Variants in MGLL observed in about 807,000 individuals in gnomAD.
MGLL encodes the protein monoglyceride lipase.
In MGLL, 7 loss-of-function variants were observed where a neutral mutation model predicts 29.1. The ratio of observed to expected loss-of-function variants is 0.24; its 90% CI spans 0.14 to 0.45. MGLL has a LOEUF of 0.45. Among genes scored for constraint, MGLL ranks in the 20% least tolerant of loss-of-function variants. MGLL has a pLI of 0.99. For synonymous variants in MGLL, 148 were observed against 168.3 expected, an observed-to-expected ratio of 0.88 and a Z score of 0.93; for missense variants, 356 against 413.6, an observed-to-expected ratio of 0.86 and a Z score of 1.21.
intron 2 of MGLL, among the ~76,000 whole-genome samples, chr3:127,819,718 T>C (rs1237732930): frequency 6.6e-6 from 1 of 152,074 alleles, no homozygotes; most frequent in African/African-American, 2.4e-5. Context: ...TAATACTTAT[T>C]ATAATGATGC....
chr3:127,736,987 G>A (rs1485271150), intron 3 of MGLL, among the ~76,000 whole-genome samples: 5 of 152,078 alleles, frequency 3.3e-5, no homozygotes, highest in East Asian at 3.9e-4. Flanking sequence ...GAGCCACTGC[G>A]CCCGGCCCTC....
At chr3:127,694,319 A>ATATATATATGTGTATATATATGTATGTG (rs1364140917) in intron 7 of MGLL, among the ~76,000 whole-genome samples, 5 of 99,858 alleles carry the variant, frequency 5.0e-5, no homozygotes, top group Non-Finnish European at 6.8e-5. Flanking sequence ...GTATGTGTGT[A>ATATATATATGTGTATATATATGTATGTG]TATATATATG....
At chr3:127,816,621 C>G (rs538093081) in intron 2 of MGLL, among the ~76,000 whole-genome samples, 2 of 152,318 alleles carry the variant, frequency 1.3e-5, no homozygotes, top group South Asian at 4.1e-4. Flanking sequence ...TCTACCCAGG[C>G]CTCAGGGCAT....
intron 3 of MGLL, among the ~76,000 whole-genome samples, chr3:127,736,897 G>T (rs577805975): frequency 6.6e-6 from 1 of 152,136 alleles, no homozygotes; most frequent in Non-Finnish European, 1.5e-5. Flanking sequence ...GTTTCACCTT[G>T]TTGGCCAGGC....
intron 2 of MGLL, among the ~76,000 whole-genome samples, chr3:127,798,499 C>G (rs2077423402): frequency 6.6e-6 from 1 of 152,184 alleles, no homozygotes; most frequent in African/African-American, 2.4e-5. Flanking sequence ...GGTTCCAGGA[C>G]TTCCTCCTTG....
chr3:127,792,375 A>C (rs1340269058), intron 2 of MGLL, among the ~76,000 whole-genome samples: 1 of 152,230 alleles, frequency 6.6e-6, no homozygotes, highest in Non-Finnish European at 1.5e-5. Flanking sequence ...AGTCACTCAC[A>C]GCCTCAAGTG....
chr3:127,794,367 C>T (rs961356225), intron 2 of MGLL, among the ~76,000 whole-genome samples: 2 of 152,094 alleles, frequency 1.3e-5, no homozygotes, highest in African/African-American at 4.8e-5. Flanking sequence ...AAAAAAAAAA[C>T]TGTCTTCTAT....
intron 3 of MGLL, among the ~76,000 whole-genome samples, chr3:127,737,891 C>T (rs1213877627): frequency 6.6e-6 from 1 of 152,000 alleles, no homozygotes; most frequent in Non-Finnish European, 1.5e-5. Context: ...TGATCCCCTG[C>T]CCTAGTCTGG....
rs1205725910 is a variant in MGLL, at chr3:127,689,578, C to G, written c.*2620G>C. 6.6e-6 allele frequency: 1 copy of G among 152,642 alleles called. No individual in the cohort carries two copies. Among genetic ancestry groups the G allele is most frequent in the East Asian group, 1.9e-4 (1 of 5,214 alleles). The allele number at this position is 152,642 out of a possible 1,614,324, so 9.5% of individuals were successfully genotyped here. On this transcript the variant is annotated 3_prime_UTR_variant, in exon 8 of 8. Transcript: ENST00000265052. ...TGTGTGCCAGGCCTCTCTGGGTCCC[C>G]TCCCTGGCCTTTGCCTTCCTCTCAC...
At chr3:127,798,169 A>G (rs911480588) in intron 2 of MGLL, among the ~76,000 whole-genome samples, 1 of 152,252 alleles carries the variant, frequency 6.6e-6, no homozygotes, top group Non-Finnish European at 1.5e-5. Flanking sequence ...AGCACAGTGC[A>G]TACCTTTCTC....
At chr3:127,760,022 T>C (rs1018425631) in intron 3 of MGLL, among the ~76,000 whole-genome samples, 3 of 152,194 alleles carry the variant, frequency 2.0e-5, no homozygotes, top group African/African-American at 7.2e-5. Context: ...TTAGACGGCT[T>C]GGTTTTCTGC....
At chr3:127,815,523 T>G (rs1293735639) in intron 2 of MGLL, among the ~76,000 whole-genome samples, 1 of 152,248 alleles carries the variant, frequency 6.6e-6, no homozygotes, top group East Asian at 1.9e-4. Context: ...CTTCTTTGCC[T>G]TGCGCCTATA....
chr3:127,741,267 C>T (rs1002967820), intron 3 of MGLL, among the ~76,000 whole-genome samples: 1 of 152,236 alleles, frequency 6.6e-6, no homozygotes, highest in African/African-American at 2.4e-5. Flanking sequence ...AAACATACAA[C>T]ATGGTGTGTG....
At chr3:127,737,899 T>A (rs761882800) in intron 3 of MGLL, among the ~76,000 whole-genome samples, 1 of 152,098 alleles carries the variant, frequency 6.6e-6, no homozygotes, top group Non-Finnish European at 1.5e-5. Context: ...TGCCCTAGTC[T>A]GGATTATAGG....
At chr3:127,782,469 T>C (rs1207659851) in intron 2 of MGLL, among the ~76,000 whole-genome samples, 1 of 152,026 alleles carries the variant, frequency 6.6e-6, no homozygotes, top group Non-Finnish European at 1.5e-5. Context: ...GCCTGTAACA[T>C]GGTAAGAAGA....
chr3:127,723,354 GGGCTGCCCA>G (rs1239646555), intron 3 of MGLL, among the ~76,000 whole-genome samples: 1 of 152,230 alleles, frequency 6.6e-6, no homozygotes, highest in Non-Finnish European at 1.5e-5. Flanking sequence ...ACAGCCAGAG[GGGCTGCCCA>G]GACCTTCCCT....
intron 5 of MGLL, among the ~76,000 whole-genome samples, chr3:127,718,022 GC>G (rs1033513137): frequency 5.3e-5 from 8 of 152,122 alleles, no homozygotes; most frequent in Admixed American, 3.3e-4. Flanking sequence ...AATGTTTGGG[GC>G]CCCCCCATCC....
At chr3:127,792,101 C>T (rs2077309899) in intron 2 of MGLL, among the ~76,000 whole-genome samples, 1 of 152,142 alleles carries the variant, frequency 6.6e-6, no homozygotes, top group Admixed American at 6.6e-5. Flanking sequence ...AGCATCCCGG[C>T]CCCCAGAGGC....
chr3:127,767,930 G>C (rs2076886504), intron 3 of MGLL, among the ~76,000 whole-genome samples: 1 of 152,194 alleles, frequency 6.6e-6, no homozygotes, highest in African/African-American at 2.4e-5. Context: ...AACAACTTAT[G>C]AGGTAGAAAT....
Sources: gnomAD v4.1 joint callset for allele counts (sites outside exome capture counted in the v4.1 genomes callset) on GRCh38, gnomAD v4.1.1 for gene constraint, MANE v1.5 for transcripts, NCBI Gene and HGNC (gene_info 2026-07-23, HGNC 2026-07-21) for gene names.